The following KCNIP4 variants were observed in gnomAD, a reference collection of about 807,000 sequenced individuals.
KCNIP4 encodes the protein Kv channel-interacting protein 4.
Under a neutral mutation model 34.0 loss-of-function variants are expected in KCNIP4, and 12 were observed. That is an observed-to-expected ratio of 0.35 (90% CI 0.23 to 0.57). KCNIP4 has a LOEUF of 0.57. Ranked by LOEUF, KCNIP4 falls within the 20% of genes least tolerant of loss-of-function variation. KCNIP4 has a pLI of 0.83. For synonymous variants in KCNIP4, 124 were observed against 102.2 expected, an observed-to-expected ratio of 1.21 and a Z score of -1.29; for missense variants, 238 against 311.7, an observed-to-expected ratio of 0.76 and a Z score of 1.78.
At chr4:21,745,970 T>C (rs1353074029) in intron 1 of KCNIP4, among the ~76,000 whole-genome samples, 2 of 152,126 alleles carry the variant, frequency 1.3e-5, no homozygotes, top group East Asian at 1.9e-4. Context: ...AATAGAAATA[T>C]ATTTTCTCGC....
intron 1 of KCNIP4, among the ~76,000 whole-genome samples, chr4:21,481,237 G>T (rs1043075965): frequency 1.3e-5 from 2 of 152,188 alleles, no homozygotes; most frequent in Non-Finnish European, 2.9e-5. Flanking sequence ...CAAGGAAAAA[G>T]ATATGACCAC....
chr4:20,732,779 G>A lies in KCNIP4; in HGVS notation c.544C>T (p.Leu182Phe). Residue 182 changes from leucine to phenylalanine, a missense_variant, in exon 7 of 9, where the codon CTT (leucine) becomes TTT (phenylalanine). By Grantham distance (22) the Leu-to-Phe change is conservative. Transcript: ENST00000382152. The part of the protein sequence containing the change: ...KDGYITKEEM[L>F]DIMKAIYDMM... Reference sequence around the variant, plus strand: ...TCGTATATTGCTTTCATTATATCAAGCATTTCCTGAAAAATAAAAGGCACT... The same window carrying A: ...TCGTATATTGCTTTCATTATATCAAACATTTCCTGAAAAATAAAAGGCACT... 6.3e-7 allele frequency: 1 copy of A among 1,599,228 alleles called. No homozygotes were observed. Among genetic ancestry groups the A allele is most frequent in the Middle Eastern group, 1.7e-4 (1 of 6,038 alleles).
At chr4:20,979,698 C>T (rs990309898) in intron 1 of KCNIP4, among the ~76,000 whole-genome samples, 1 of 151,920 alleles carries the variant, frequency 6.6e-6, no homozygotes, top group Non-Finnish European at 1.5e-5. Flanking sequence ...GCGCCTGGCT[C>T]TGCTTGCACT....
intron 1 of KCNIP4, among the ~76,000 whole-genome samples, chr4:21,836,801 A>G (rs1723349571): frequency 6.6e-6 from 1 of 152,124 alleles, no homozygotes; most frequent in South Asian, 2.1e-4. Context: ...TGGTCAGACA[A>G]CTGAGATATA....
intron 1 of KCNIP4, chr4:21,843,398 G>A (rs1372227108): frequency 6.6e-6 from 1 of 152,008 alleles, no homozygotes; most frequent in Admixed American, 6.6e-5. Flanking sequence ...AGACATGTTA[G>A]CCCAAAAATA....
chr4:21,279,495 A>T (rs1347371841), intron 1 of KCNIP4, among the ~76,000 whole-genome samples: 1 of 145,774 alleles, frequency 6.9e-6, no homozygotes, highest in African/African-American at 2.5e-5. Context: ...TTATATATAT[A>T]TATATACATA....
chr4:21,125,168 C>CT lies in KCNIP4; in HGVS notation c.62-242460dup, dbSNP rs199743249. 5.3e-3 allele frequency among the ~76,000 whole-genome samples: 497 copies of CT among 94,628 alleles called. 2 individuals carry two copies. Among genetic ancestry groups the CT allele is most frequent in the African/African-American group, 0.018 (484 of 27,288 alleles). The allele number at this position is 94,628 out of a possible 152,430, so 62.1% of individuals were successfully genotyped here. ...ATGTGCATCAGAATCAGCAGGAGGG[C>CT]TTTTTTTATTTTATTTTGTCTTATT... On this transcript the variant is annotated intron_variant, in intron 1 of 8. Transcript: ENST00000382152.
chr4:21,031,682 C>T (rs1254727640), intron 1 of KCNIP4, among the ~76,000 whole-genome samples: 3 of 152,136 alleles, frequency 2.0e-5, no homozygotes, highest in Non-Finnish European at 2.9e-5. Flanking sequence ...TTTTTGACTT[C>T]AGTTTCCTCA....
At chr4:21,130,010 G>T (rs1380897615) in intron 1 of KCNIP4, among the ~76,000 whole-genome samples, 1 of 152,018 alleles carries the variant, frequency 6.6e-6, no homozygotes, top group African/African-American at 2.4e-5. Context: ...AGTGGCAAGT[G>T]GCAATGTGAT....
intron 1 of KCNIP4, among the ~76,000 whole-genome samples, chr4:21,414,145 A>C (rs1201989385): frequency 1.3e-5 from 2 of 152,184 alleles, no homozygotes; most frequent in Admixed American, 6.6e-5. Flanking sequence ...CTATGAAAAA[A>C]AAAGCAGCGA....
At chr4:20,988,539 C>T (rs1736798255) in intron 1 of KCNIP4, among the ~76,000 whole-genome samples, 1 of 152,082 alleles carries the variant, frequency 6.6e-6, no homozygotes, top group South Asian at 2.1e-4. Flanking sequence ...ATTCTTCATA[C>T]TGTTTGTTGA....
chr4:20,972,934 A>C (rs566379532), intron 1 of KCNIP4, among the ~76,000 whole-genome samples: 1 of 152,338 alleles, frequency 6.6e-6, no homozygotes, highest in South Asian at 2.1e-4. Context: ...CTCATGATCA[A>C]ACTAGAACAA....
intron 1 of KCNIP4, among the ~76,000 whole-genome samples, chr4:21,060,763 A>C (rs1261871976): frequency 6.6e-6 from 1 of 152,204 alleles, no homozygotes. Flanking sequence ...ATAGCTGGGA[A>C]GAGACTCACT....
intron 1 of KCNIP4, among the ~76,000 whole-genome samples, chr4:21,186,432 G>A (rs192859700): frequency 6.6e-6 from 1 of 152,262 alleles, no homozygotes; most frequent in Admixed American, 6.5e-5. Context: ...AGTCGAAGTA[G>A]GGATGGAATA....
chr4:21,822,472 C>T (rs1722414908), intron 1 of KCNIP4, among the ~76,000 whole-genome samples: 1 of 152,020 alleles, frequency 6.6e-6, no homozygotes, highest in Admixed American at 6.6e-5. Context: ...TAATATTATC[C>T]AGAAACAAAT....
intron 1 of KCNIP4, among the ~76,000 whole-genome samples, chr4:21,118,121 T>C (rs1327224277): frequency 6.6e-6 from 1 of 152,164 alleles, no homozygotes; most frequent in African/African-American, 2.4e-5. Flanking sequence ...TGATTCAGTC[T>C]GATCATGCTG....
At chr4:21,852,603 G>C (rs564510277) in intron 1 of KCNIP4, 13 of 152,312 alleles carry the variant, frequency 8.5e-5, no homozygotes, top group Non-Finnish European at 1.6e-4. Context: ...ATTAGAGATA[G>C]TGTGAACCCA....
At chr4:21,922,781 T>C (rs1219373094) in intron 1 of KCNIP4, among the ~76,000 whole-genome samples, 7 of 152,178 alleles carry the variant, frequency 4.6e-5, no homozygotes, top group African/African-American at 9.6e-5. Context: ...TGACATTTGC[T>C]ACATATAAAT....
intron 1 of KCNIP4, among the ~76,000 whole-genome samples, chr4:21,598,304 A>AC: frequency 6.6e-6 from 1 of 152,148 alleles, no homozygotes; most frequent in Admixed American, 6.6e-5. Context: ...TAACTGAAGA[A>AC]TAGTTGAACT....
Sources: allele counts gnomAD v4.1 joint callset (sites outside exome capture counted in the v4.1 genomes callset), GRCh38; gene constraint gnomAD v4.1.1; transcripts MANE v1.5; gene names NCBI Gene and HGNC (gene_info 2026-07-23, HGNC 2026-07-21).